PCDH15: variants seen among roughly 807,000 people sequenced by gnomAD.
PCDH15 encodes the protein protocadherin-15.
In PCDH15, 129 loss-of-function variants were observed where a neutral mutation model predicts 178.5. The ratio of observed to expected loss-of-function variants is 0.72; its 90% CI spans 0.63 to 0.84. The LOEUF is 0.84. Among genes scored for constraint, PCDH15 ranks in the 40% least tolerant of loss-of-function variants. PCDH15 has a pLI of 0.00. For missense variants in PCDH15, 2,230 were observed against 2,099.9 expected (o/e 1.06, Z -1.21); for synonymous variants, 800 against 732.0 (o/e 1.09, Z -1.50).
intron 20 of PCDH15, among the ~76,000 whole-genome samples, chr10:54,017,798 T>C (rs894078848): frequency 1.3e-5 from 2 of 151,800 alleles, no homozygotes; most frequent in Non-Finnish European, 2.9e-5. Context: ...TAAAATAAAA[T>C]ATGAAAATGT....
intron 23 of PCDH15, among the ~76,000 whole-genome samples, chr10:53,956,987 T>G (rs1286900869): frequency 6.6e-6 from 1 of 152,182 alleles, no homozygotes; most frequent in African/African-American, 2.4e-5. Context: ...TAAAGAAAGT[T>G]AAATGAGCAA....
intron 2 of PCDH15, among the ~76,000 whole-genome samples, chr10:55,593,516 T>C (rs147405460): frequency 1.5e-3 from 232 of 152,030 alleles, no homozygotes; most frequent in South Asian, 0.013. Context: ...GCATGGTTTA[T>C]GGAGAGAGAC....
chr10:53,843,853 G>A (rs2077810153), intron 28 of PCDH15, among the ~76,000 whole-genome samples: 1 of 152,010 alleles, frequency 6.6e-6, no homozygotes, highest in Admixed American at 6.5e-5. Context: ...TTTATTCAAT[G>A]CCTATCCTGG....
intron 3 of PCDH15, among the ~76,000 whole-genome samples, chr10:54,884,896 TATG>T (rs1260800332): frequency 6.6e-6 from 1 of 152,096 alleles, no homozygotes; most frequent in Non-Finnish European, 1.5e-5. Context: ...TTCAATTAGA[TATG>T]AGGCTTAAAA....
At chr10:53,868,996 C>G (rs1224275462) in intron 26 of PCDH15, among the ~76,000 whole-genome samples, 1 of 152,044 alleles carries the variant, frequency 6.6e-6, no homozygotes, top group Non-Finnish European at 1.5e-5. Context: ...TTTGTAGACA[C>G]AGGGTCTCGC....
chr10:54,922,402 A>T (rs768645552), intron 2 of PCDH15, among the ~76,000 whole-genome samples: 1 of 152,170 alleles, frequency 6.6e-6, no homozygotes, highest in Non-Finnish European at 1.5e-5. Flanking sequence ...TATAGGCCCT[A>T]TGCAATTCCA....
chr10:53,891,858 A>G (rs2081577140), intron 26 of PCDH15, among the ~76,000 whole-genome samples: 1 of 151,728 alleles, frequency 6.6e-6, no homozygotes, highest in Admixed American at 6.6e-5. Flanking sequence ...AATCCCAGCT[A>G]CTTGGGATGC....
At chr10:54,295,438 G>A (rs2059690197) in intron 8 of PCDH15, among the ~76,000 whole-genome samples, 1 of 152,284 alleles carries the variant, frequency 6.6e-6, no homozygotes, top group East Asian at 1.9e-4. Context: ...TGCTGTGGAA[G>A]TTTTGTTCTT....
intron 2 of PCDH15, among the ~76,000 whole-genome samples, chr10:54,545,760 A>AT (rs2085778662): frequency 6.6e-6 from 1 of 152,238 alleles, no homozygotes. Flanking sequence ...AATCATTATG[A>AT]TTTAAACACA....
intron 2 of PCDH15, among the ~76,000 whole-genome samples, chr10:54,615,207 C>T (rs2093095118): frequency 6.6e-6 from 1 of 151,990 alleles, no homozygotes; most frequent in Admixed American, 6.6e-5. Context: ...TAAAGCGATA[C>T]AAATTGAGTT....
At chr10:54,307,285 A>T (rs1388954367) in intron 8 of PCDH15, among the ~76,000 whole-genome samples, 1 of 149,746 alleles carries the variant, frequency 6.7e-6, no homozygotes, top group African/African-American at 2.4e-5. Context: ...ATGTTTCAGT[A>T]TAATTTATAA....
intron 21 of PCDH15, among the ~76,000 whole-genome samples, chr10:53,970,555 GAAGAA>G (rs2089568018): frequency 6.6e-6 from 1 of 151,784 alleles, no homozygotes; most frequent in African/African-American, 2.4e-5. Context: ...GGCTAATAAA[GAAGAA>G]AAGAGAGAAG....
chr10:55,247,069 A>G (rs1403341430), intron 1 of PCDH15, among the ~76,000 whole-genome samples: 2 of 152,332 alleles, frequency 1.3e-5, no homozygotes, highest in East Asian at 3.9e-4. Context: ...TTTATGTTTT[A>G]CACAAATGAA....
At chr10:55,330,330 A>T (rs1337500157) in intron 2 of PCDH15, among the ~76,000 whole-genome samples, 1 of 151,844 alleles carries the variant, frequency 6.6e-6, no homozygotes, top group African/African-American at 2.4e-5. Flanking sequence ...GGCATCACTG[A>T]TGAAAACCAC....
intron 2 of PCDH15, among the ~76,000 whole-genome samples, chr10:55,446,326 T>A (rs1052980469): frequency 4.0e-5 from 6 of 151,416 alleles, no homozygotes; most frequent in Admixed American, 6.6e-5. Flanking sequence ...TATATATATA[T>A]AAAACATTCT....
intron 3 of PCDH15, among the ~76,000 whole-genome samples, chr10:54,383,543 A>G (rs1436548952): frequency 6.6e-6 from 1 of 151,904 alleles, no homozygotes; most frequent in Non-Finnish European, 1.5e-5. Context: ...CCCTCAGAAT[A>G]TTGCAATATT....
intron 2 of PCDH15, among the ~76,000 whole-genome samples, chr10:55,041,443 G>A (rs576319223): frequency 6.6e-6 from 1 of 152,092 alleles, no homozygotes; most frequent in African/African-American, 2.4e-5. Flanking sequence ...AACTGAAATT[G>A]CATTGGTTAA....
chr10:54,214,964 A>G (rs1027100885), intron 9 of PCDH15, among the ~76,000 whole-genome samples: 2 of 152,188 alleles, frequency 1.3e-5, no homozygotes, highest in African/African-American at 4.8e-5. Context: ...TAATTGTATA[A>G]TCTTCCTTTG....
chr10:54,959,700 C>T (rs1295109072), intron 2 of PCDH15, among the ~76,000 whole-genome samples: 2 of 152,026 alleles, frequency 1.3e-5, no homozygotes, highest in Non-Finnish European at 2.9e-5. Context: ...GCCTTTATGT[C>T]TATCATCGAA....
Sources: allele counts gnomAD v4.1 joint callset (sites outside exome capture counted in the v4.1 genomes callset), GRCh38; gene constraint gnomAD v4.1.1; transcripts MANE v1.5; gene names NCBI Gene and HGNC (gene_info 2026-07-23, HGNC 2026-07-21).